Variants in CPT1C observed in about 807,000 individuals in gnomAD.
CPT1C encodes carnitine palmitoyltransferase 1C, also known as palmitoyl thioesterase CPT1C.
Under a neutral mutation model 97.3 loss-of-function variants are expected in CPT1C, and 61 were observed. The observed-to-expected ratio is 0.63, with a 90% CI of 0.51 to 0.78. The LOEUF is 0.78. Ranked by LOEUF, CPT1C falls within the 30% of genes least tolerant of loss-of-function variation. CPT1C has a pLI of 0.00. For missense variants in CPT1C, 975 were observed against 1,065.5 expected (o/e 0.92, Z 1.18); for synonymous variants, 469 against 447.2 (o/e 1.05, Z -0.61).
chr19:49,704,511 C>G (rs112097356), intron 7 of CPT1C, among the ~76,000 whole-genome samples, 199 bp from the exon 8 acceptor site: 1 of 152,098 alleles, frequency 6.6e-6, no homozygotes, highest in Admixed American at 6.6e-5. Context: ...ATTCCACTGC[C>G]GGAGTATAAC....
intron 3 of CPT1C, among the ~76,000 whole-genome samples, chr19:49,694,162 G>A (rs141127608): frequency 2.2e-4 from 33 of 152,066 alleles, no homozygotes; most frequent in Admixed American, 2.0e-3. Context: ...GTTCTCATTC[G>A]AGTTGGGGGA....
At chr19:49,701,899 AATATAT>A (rs1182259566) in intron 7 of CPT1C, among the ~76,000 whole-genome samples, 2 of 105,110 alleles carry the variant, frequency 1.9e-5, no homozygotes, top group South Asian at 4.7e-4. Context: ...TTTATTTATA[AATATAT>A]ATATTTATAT....
chr19:49,697,505 T>A, intron 4 of CPT1C, 40 bp downstream of exon 4: 1 of 1,601,470 alleles, frequency 6.2e-7, no homozygotes, highest in Non-Finnish European at 8.5e-7. Context: ...CCCCAATCAC[T>A]CTCCCTTCAC....
chr19:49,699,903 G>A (rs906255475), intron 4 of CPT1C, among the ~76,000 whole-genome samples: 2 of 151,942 alleles, frequency 1.3e-5, no homozygotes, highest in African/African-American at 2.4e-5. Flanking sequence ...GCAGTGAGCC[G>A]AGATAGTGCC....
At chr19:49,691,728 G>C (rs2082361500) in intron 1 of CPT1C, 93 bp from the exon 2 acceptor site, 1 of 153,762 alleles carries the variant, frequency 6.5e-6, no homozygotes, top group South Asian at 2.0e-4. Context: ...ATCCTGTACT[G>C]GGGGGAGGGC....
intron 7 of CPT1C, 73 bp from the exon 8 acceptor site, chr19:49,704,637 C>A: frequency 1.7e-6 from 2 of 1,178,892 alleles, no homozygotes; most frequent in East Asian, 2.4e-5. Flanking sequence ...GCATCTGGGG[C>A]CTTCCCTGTC....
chr19:49,702,791 G>T (rs2083257447), intron 7 of CPT1C, among the ~76,000 whole-genome samples: 1 of 151,942 alleles, frequency 6.6e-6, no homozygotes, highest in East Asian at 1.9e-4. Context: ...GCTTTGGTGT[G>T]GGGGAAAGAC....
chr19:49,704,659 C>T, intron 7 of CPT1C, 51 bp from the exon 8 acceptor site: 7 of 1,430,554 alleles, frequency 4.9e-6, no homozygotes, highest in Non-Finnish European at 6.9e-6. Flanking sequence ...TACTGTCCCT[C>T]CCCCAACAGG....
chr19:49,704,578 A>G lies in CPT1C; in HGVS notation c.694-132A>G, dbSNP rs1600107230. 6 of 686,054 alleles carry G rather than the reference A, an allele frequency of 8.7e-6. No individual in the cohort carries two copies. The East Asian group carries it at 1.6e-4, about 19-fold the overall frequency. The allele number at this position is 686,054 out of a possible 1,614,324, so 42.5% of individuals were successfully genotyped here. On this transcript the variant is annotated intron_variant, in intron 7 of 19. Coordinates refer to ENST00000598293, the MANE Select transcript of CPT1C (RefSeq NM_001199753.2). ...ATTTCTAGGTGATCGCTAGTTACTG[A>G]CTACGATGGCTGACTTCTTTGGCTC...
At chr19:49,708,387 A>G (rs1454279320) in intron 13 of CPT1C, among the ~76,000 whole-genome samples, 1 of 152,126 alleles carries the variant, frequency 6.6e-6, no homozygotes, top group Non-Finnish European at 1.5e-5. Context: ...CTGTGGCCCC[A>G]GCTACTCCGG....
upstream of CPT1C, chr19:49,690,785 C>T: frequency 3.0e-6 from 1 of 335,122 alleles, no homozygotes; most frequent in South Asian, 9.0e-5. This position sits in a 1 kb window ranked among gnomAD's most constrained non-coding sequence, Gnocchi z 4.4. Flanking sequence ...CATCCCTCCT[C>T]CCTCCCTGGC....
intron 3 of CPT1C, among the ~76,000 whole-genome samples, chr19:49,695,008 G>A (rs1206151962): frequency 6.6e-6 from 1 of 151,882 alleles, no homozygotes; most frequent in Non-Finnish European, 1.5e-5. Flanking sequence ...GGGCGTGGTG[G>A]CAGTCACCTG....
intron 10 of CPT1C, 70 bp from the exon 11 acceptor site, chr19:49,705,839 A>G (rs2083466440): frequency 5.0e-6 from 7 of 1,387,194 alleles, no homozygotes; most frequent in Non-Finnish European, 7.0e-6. Context: ...TAAGAAGTAT[A>G]TAATAAATGG....
chr19:49,703,563 T>TCCTCCCTCTCTCCCTC (rs2083318387), intron 7 of CPT1C, among the ~76,000 whole-genome samples: 1 of 61,626 alleles, frequency 1.6e-5, no homozygotes, highest in Non-Finnish European at 2.8e-5. Context: ...TGTCTCTCTC[T>TCCTCCCTCTCTCCCTC]CCTCCCTCCC....
intron 13 of CPT1C, among the ~76,000 whole-genome samples, chr19:49,708,220 C>T (rs956283696): frequency 3.3e-5 from 5 of 151,858 alleles, no homozygotes; most frequent in African/African-American, 1.2e-4. Flanking sequence ...TGCAGTGGCT[C>T]ATGCCTGTAA....
At position 49,706,306 on chromosome 19, in the gene CPT1C, T is replaced by C. The variant is rs754710743; in HGVS notation, c.1236T>C (p.Ala412=). The C allele has an allele frequency of 6.5e-7, 1 of 1,531,986 alleles. No homozygotes were observed. Among genetic ancestry groups the C allele is most frequent in the Admixed American group, 2.3e-5 (1 of 42,750 alleles). 94.9% of individuals were successfully genotyped at this position (1,531,986 alleles called of 1,614,324 possible). ...CCCTGGAGGCGGTGGAAGGGGCCGC[T>C]TTCTTTGTGTCACTGGATGCTGAGC... ...AEALEAVEGA[A]FFVSLDAEPA... Residue 412 remains alanine (A), a synonymous_variant, in exon 12 of 20, where the codon GCT becomes GCC. Transcript: ENST00000598293. The surrounding 1 kb of genome is among the most constrained non-coding windows in gnomAD (Gnocchi z 4.8).
chr19:49,704,636 G>C (rs941434413), intron 7 of CPT1C, 74 bp from the exon 8 acceptor site: 4 of 1,175,234 alleles, frequency 3.4e-6, no homozygotes, highest in Non-Finnish European at 5.0e-6. Flanking sequence ...AGCATCTGGG[G>C]CCTTCCCTGT....
At position 49,707,509 on chromosome 19, in the gene CPT1C, C is replaced by T. The variant is rs374663126; in HGVS notation, c.1344-9C>T. 14 of 1,610,916 alleles carry T rather than the reference C, an allele frequency of 8.7e-6. No individual in the cohort carries two copies. Among genetic ancestry groups the T allele is most frequent in the Non-Finnish European group, 1.0e-5 (12 of 1,177,340 alleles). On this transcript the variant is annotated splice_polypyrimidine_tract_variant and intron_variant, in intron 12 of 19. Transcript: ENST00000598293. Reference sequence around the variant, plus strand: ...GCTCTTGGTGACCCATCTGAACTCTCCCTGACAGCTGGTTTGACAAATCCT... The same window carrying T: ...GCTCTTGGTGACCCATCTGAACTCTTCCTGACAGCTGGTTTGACAAATCCT...
In CPT1C at chr19:49,706,039, C is replaced by T. The variant is rs2083478281; in HGVS notation, c.1095C>T (p.Ile365=). Residue 365 remains isoleucine, a synonymous_variant, in exon 11 of 20, where the codon ATC becomes ATT. Coordinates refer to ENST00000598293, the MANE Select transcript of CPT1C (RefSeq NM_001199753.2). This position sits in a 1 kb window ranked among gnomAD's most constrained non-coding sequence, Gnocchi z 4.8. The part of the protein sequence containing the change: ...PRALEQQFQR[I]LDDPSPACPH... ...CCCTGGAGCAGCAGTTTCAGAGAATCCTGGATGATCCCTCACCGGCCTGCC... is the reference window on the plus strand; with the variant it reads ...CCCTGGAGCAGCAGTTTCAGAGAATTCTGGATGATCCCTCACCGGCCTGCC... 6.2e-7 allele frequency: 1 copy of T among 1,613,862 alleles called. No homozygotes were observed. Among genetic ancestry groups the T allele is most frequent in the Admixed American group, 1.7e-5 (1 of 59,964 alleles).
Sources: allele counts gnomAD v4.1 joint callset (sites outside exome capture counted in the v4.1 genomes callset), GRCh38; gene constraint gnomAD v4.1.1; non-coding constraint Gnocchi (gnomAD v3.1); transcripts MANE v1.5; gene names NCBI Gene and HGNC (gene_info 2026-07-23, HGNC 2026-07-21).